Variants in SLC35F1 observed in about 807,000 individuals in gnomAD.
SLC35F1 encodes the protein chromosome 6 open reading frame 169.
SLC35F1 carries 14 observed loss-of-function variants against 48.7 expected under a neutral mutation model. The ratio of observed to expected loss-of-function variants is 0.29; its 90% CI spans 0.19 to 0.45. SLC35F1 has a LOEUF of 0.45. SLC35F1 is among the 20% of genes least tolerant of loss of function. The pLI is 1.00. For synonymous variants in SLC35F1, 190 were observed against 202.2 expected (o/e 0.94, Z 0.51); for missense variants, 404 against 500.0 (o/e 0.81, Z 1.83).
intron 7 of SLC35F1, among the ~76,000 whole-genome samples, chr6:118,286,803 G>T (rs201621736): frequency 0.16 from 16,389 of 99,504 alleles, 919 homozygotes; most frequent in South Asian, 0.22. Flanking sequence ...GTGTGTGTGT[G>T]TTTGTGTGTG....
Position 118,097,169 on chromosome 6 carries a change from T to G in SLC35F1, c.174-57276T>G, listed in dbSNP as rs933023368. ...CAGTTGCCCCAGGATAAGGCCACAT[T>G]CTGAAAACGACCTACAAAGTTCCCC... On this transcript the variant is annotated intron_variant, in intron 1 of 7. Coordinates refer to ENST00000360388, the MANE Select transcript of SLC35F1 (RefSeq NM_001029858.4). 3.4e-3 allele frequency among the ~76,000 whole-genome samples: 515 copies of G among 152,306 alleles called. 21 individuals are homozygous for G. Among genetic ancestry groups the G allele is most frequent in the Admixed American group, 0.029 (449 of 15,286 alleles).
At chr6:118,282,378 T>C (rs1775994894) in intron 6 of SLC35F1, among the ~76,000 whole-genome samples, 1 of 152,212 alleles carries the variant, frequency 6.6e-6, no homozygotes, top group African/African-American at 2.4e-5. Context: ...TCAATTGTGA[T>C]AGTGTATATA....
At chr6:118,294,396 C>T (rs1487154511) in intron 7 of SLC35F1, among the ~76,000 whole-genome samples, 1 of 152,208 alleles carries the variant, frequency 6.6e-6, no homozygotes, top group Non-Finnish European at 1.5e-5. Context: ...ACAGTTCTTT[C>T]ACTGTATGCC....
intron 2 of SLC35F1, among the ~76,000 whole-genome samples, chr6:118,183,051 A>G (rs1251541172): frequency 6.6e-6 from 1 of 152,216 alleles, no homozygotes; most frequent in Non-Finnish European, 1.5e-5. Flanking sequence ...AAAATTTTAA[A>G]CACCATCTTC....
At chr6:118,259,129 T>C (rs73512514) in intron 3 of SLC35F1, among the ~76,000 whole-genome samples, 8,027 of 151,706 alleles carry the variant, frequency 0.053, 667 homozygotes, top group African/African-American at 0.17. Flanking sequence ...ACTAATACTT[T>C]AATAGAAAGA....
intron 1 of SLC35F1, among the ~76,000 whole-genome samples, chr6:117,925,246 G>T (rs1287675642): frequency 6.6e-6 from 1 of 152,074 alleles, no homozygotes; most frequent in African/African-American, 2.4e-5. Context: ...CTTGGGGTGG[G>T]CAAAGGTCCT....
chr6:118,234,426 C>A (rs1012688021), intron 2 of SLC35F1, among the ~76,000 whole-genome samples: 5 of 152,110 alleles, frequency 3.3e-5, no homozygotes, highest in Non-Finnish European at 7.4e-5. Context: ...CAGTACTGTA[C>A]AAAGGTCCTT....
intron 1 of SLC35F1, among the ~76,000 whole-genome samples, chr6:117,937,254 T>C (rs1344945566): frequency 6.6e-6 from 1 of 152,238 alleles, no homozygotes; most frequent in African/African-American, 2.4e-5. Context: ...TGCTGATTAT[T>C]AGCTTTCTGC....
At chr6:117,977,768 TA>T (rs1776723901) in intron 1 of SLC35F1, among the ~76,000 whole-genome samples, 1 of 152,160 alleles carries the variant, frequency 6.6e-6, no homozygotes, top group African/African-American at 2.4e-5. Flanking sequence ...TTAAATCTAT[TA>T]AATACTTTTG....
intron 7 of SLC35F1, among the ~76,000 whole-genome samples, chr6:118,302,937 G>A (rs572854453): frequency 6.7e-6 from 1 of 148,900 alleles, no homozygotes; most frequent in Non-Finnish European, 1.5e-5. Flanking sequence ...GGCTATTTGC[G>A]AGAAGGTAGC....
chr6:118,247,455 T>C (rs1259668917), intron 3 of SLC35F1, among the ~76,000 whole-genome samples: 1 of 152,240 alleles, frequency 6.6e-6, no homozygotes, highest in African/African-American at 2.4e-5. Context: ...CTTGGAATCA[T>C]GTTTTCCCAG....
At chr6:118,127,845 A>G (rs1392336766) in intron 1 of SLC35F1, among the ~76,000 whole-genome samples, 2 of 150,958 alleles carry the variant, frequency 1.3e-5, no homozygotes, top group Non-Finnish European at 3.0e-5. Flanking sequence ...CTGCACAGCA[A>G]AAGAAACTAC....
Position 118,314,779 on chromosome 6 carries a change from A to G in SLC35F1, c.*527A>G, listed in dbSNP as rs1009335392. 3.8e-5 allele frequency: 6 copies of G among 157,778 alleles called. No homozygotes were observed. Among genetic ancestry groups the G allele is most frequent in the African/African-American group, 1.4e-4 (6 of 41,488 alleles). The allele number at this position is 157,778 out of a possible 1,614,324, so 9.8% of individuals were successfully genotyped here. ...TCCTTTTCCTAGGGACCTGGTGGTT[A>G]ATGGTTTCCTCTGTTACCTGTTGGA... is the stretch of plus-strand genomic sequence containing the variant. On this transcript the variant is annotated 3_prime_UTR_variant, in exon 8 of 8. Coordinates refer to ENST00000360388, the MANE Select transcript of SLC35F1 (RefSeq NM_001029858.4).
chr6:118,145,126 A>G (rs1218893985), intron 1 of SLC35F1, among the ~76,000 whole-genome samples: 2 of 152,114 alleles, frequency 1.3e-5, no homozygotes, highest in African/African-American at 4.8e-5. Flanking sequence ...ATTAGCTGTC[A>G]CTCCCTACCT....
At chr6:117,951,300 T>C (rs1268210710) in intron 1 of SLC35F1, among the ~76,000 whole-genome samples, 1 of 152,166 alleles carries the variant, frequency 6.6e-6, no homozygotes, top group Non-Finnish European at 1.5e-5. Context: ...AAAATCATAC[T>C]AGAAGGAGTA....
rs549990335 is a variant in SLC35F1 at position 118,032,759 on chromosome 6, A to G, written c.174-121686A>G. 2.0e-5 allele frequency among the ~76,000 whole-genome samples: 3 copies of G among 152,188 alleles called. No homozygotes were observed. In the East Asian group the frequency reaches 5.8e-4, roughly 29 times the overall value. ...TAATTTGTCATCATGCTCTCCTGTA[A>G]CCTAGAAAAGCTATTGGCATTTAAG... is the stretch of plus-strand genomic sequence containing the variant. On this transcript the variant is annotated intron_variant, in intron 1 of 7. Coordinates refer to ENST00000360388, the MANE Select transcript of SLC35F1 (RefSeq NM_001029858.4).
At position 118,285,273 on chromosome 6, in the gene SLC35F1, A is replaced by G; in HGVS notation, c.937A>G (p.Asn313Asp). ...AAAGAAAACCAGTGCCACTTCAGTCAACCTCTCCTTGCTCACAGCAGACTT... is the reference window on the plus strand; with the variant it reads ...AAAGAAAACCAGTGCCACTTCAGTCGACCTCTCCTTGCTCACAGCAGACTT... ...VIKKTSATSV[N>D]LSLLTADLYS... The change falls in exon 7 of 8, where the codon AAC becomes GAC. Residue 313 changes from asparagine to aspartate, a missense_variant. Around this residue, in one of 2 missense-constraint regions of SLC35F1, gnomAD observed 306 missense variants for 419.1 expected, o/e 0.73. Coordinates refer to ENST00000360388, the MANE Select transcript of SLC35F1 (RefSeq NM_001029858.4). 6.2e-7 allele frequency: 1 copy of G among 1,613,988 alleles called. No individual in the cohort carries two copies. Among genetic ancestry groups the G allele is most frequent in the Non-Finnish European group, 8.5e-7 (1 of 1,179,908 alleles).
intron 1 of SLC35F1, among the ~76,000 whole-genome samples, chr6:118,099,852 CAG>C (rs1055606892): frequency 1.3e-5 from 2 of 152,070 alleles, no homozygotes; most frequent in Non-Finnish European, 2.9e-5. Flanking sequence ...ACTCTAAAAA[CAG>C]TGGTGGAAAC....
intron 1 of SLC35F1, among the ~76,000 whole-genome samples, chr6:117,993,490 T>C (rs1023524806): frequency 2.6e-5 from 4 of 152,228 alleles, no homozygotes; most frequent in African/African-American, 9.6e-5. Context: ...GAGCAGTTAC[T>C]GTGTGGCAGG....
Sources: allele counts gnomAD v4.1 joint callset (sites outside exome capture counted in the v4.1 genomes callset), GRCh38; gene constraint gnomAD v4.1.1; regional missense constraint gnomAD v4.1.1; transcripts MANE v1.5; gene names NCBI Gene and HGNC (gene_info 2026-07-23, HGNC 2026-07-21).